The following OR6N1 variants were observed in gnomAD, a reference collection of about 807,000 sequenced individuals.
OR6N1 encodes olfactory receptor family 6 subfamily N member 1.
For synonymous variants in OR6N1, 170 were observed against 150.7 expected (o/e 1.13, Z -0.94); for missense variants, 394 against 371.7 (o/e 1.06, Z -0.49).
chr1:158,766,072 G>C lies in OR6N1; in HGVS notation c.611C>G (p.Ser204Cys). ...INVLVDFVIN[S>C]CKILATFLLI... is the part of the protein sequence containing the mutation. ...CAGGAAGGTGGCTAGGATCTTGCAG[G>C]AATTTATAACAAAATCTACTAGGAC... The change falls in exon 2 of 2, where the codon TCC (serine) becomes TGC (cysteine). Residue 204 changes from serine (S) to cysteine (C), a missense_variant. Ser to Cys is a moderately radical substitution (Grantham distance 112). Transcript: ENST00000641846. 1.2e-6 allele frequency: 2 copies of C among 1,614,172 alleles called. No individual in the cohort carries two copies. The highest frequency in any genetic ancestry group is 1.7e-6 in the Non-Finnish European group (2 of 1,180,026).
the OR6N1 span, among the ~76,000 whole-genome samples, chr1:158,827,774 G>A: frequency 5.3e-5 from 8 of 152,100 alleles, no homozygotes; most frequent in South Asian, 2.1e-4. Flanking sequence ...AGAGGGTATC[G>A]CTACAAAAGT....
the OR6N1 span, among the ~76,000 whole-genome samples, chr1:158,814,331 T>G: frequency 3.3e-5 from 5 of 152,296 alleles, no homozygotes; most frequent in South Asian, 4.2e-4. Flanking sequence ...TATACATATA[T>G]ACACATATAT....
chr1:158,797,162 C>T, the OR6N1 span, among the ~76,000 whole-genome samples: 1 of 152,216 alleles, frequency 6.6e-6, no homozygotes, highest in African/African-American at 2.4e-5. Context: ...GCTAGCCCCA[C>T]CTGCCCCCTT....
chr1:158,833,487 C>T, the OR6N1 span, among the ~76,000 whole-genome samples: 2 of 152,162 alleles, frequency 1.3e-5, no homozygotes, highest in Admixed American at 1.3e-4. Context: ...TTCACCATTC[C>T]CCTTTCCTCC....
chr1:158,834,359 T>C, the OR6N1 span, among the ~76,000 whole-genome samples: 2 of 151,072 alleles, frequency 1.3e-5, no homozygotes, highest in African/African-American at 2.4e-5. Flanking sequence ...CAGCCTCCCA[T>C]GTAGCTGGGA....
At chr1:158,823,206 G>T in the OR6N1 span, among the ~76,000 whole-genome samples, 1 of 152,128 alleles carries the variant, frequency 6.6e-6, no homozygotes, top group Non-Finnish European at 1.5e-5. Context: ...TTAGTATCAG[G>T]ATGATTCTGG....
Position 158,765,649 on chromosome 1 carries a change from A to T in OR6N1, c.*95T>A. 9.8e-7 allele frequency: 1 copy of T among 1,018,186 alleles called. No individual in the cohort carries two copies. Among genetic ancestry groups the T allele is most frequent in the Non-Finnish European group, 1.5e-6 (1 of 680,174 alleles). 63.1% of individuals were successfully genotyped at this position (1,018,186 alleles called of 1,614,324 possible). On this transcript the variant is annotated 3_prime_UTR_variant, in exon 2 of 2. Coordinates refer to ENST00000641846, the MANE Select transcript of OR6N1 (RefSeq NM_001005185.2). Reference sequence around the variant, plus strand: ...TGCAGCTCCACCACCCCACATAGAAAAGCACTGAATTTTTAGTTTCTCGTC... The same window carrying T: ...TGCAGCTCCACCACCCCACATAGAATAGCACTGAATTTTTAGTTTCTCGTC...
At chr1:158,814,661 G>A in the OR6N1 span, among the ~76,000 whole-genome samples, 1 of 151,988 alleles carries the variant, frequency 6.6e-6, no homozygotes, top group African/African-American at 2.4e-5. Context: ...CCTTTCTAAC[G>A]GCACTAATCT....
chr1:158,825,010 T>C, the OR6N1 span, among the ~76,000 whole-genome samples: 2 of 152,180 alleles, frequency 1.3e-5, no homozygotes, highest in Non-Finnish European at 2.9e-5. Context: ...CAAAAGAAAC[T>C]GTCAACAGAG....
the OR6N1 span, among the ~76,000 whole-genome samples, chr1:158,828,134 G>T: frequency 1.3e-5 from 2 of 152,234 alleles, no homozygotes; most frequent in South Asian, 4.2e-4. Flanking sequence ...GGAGCTACAA[G>T]ATGAGATTTG....
the OR6N1 span, among the ~76,000 whole-genome samples, chr1:158,821,923 A>G: frequency 6.6e-6 from 1 of 152,176 alleles, no homozygotes; most frequent in South Asian, 2.1e-4. Flanking sequence ...GTTACTCCAC[A>G]TCATCACCAG....
chr1:158,767,259 A>G (rs1657299244), intron 1 of OR6N1, among the ~76,000 whole-genome samples: 2 of 152,096 alleles, frequency 1.3e-5, no homozygotes, highest in Admixed American at 1.3e-4. Context: ...TTTCAGGGGC[A>G]TGTAGGTCAG....
the OR6N1 span, among the ~76,000 whole-genome samples, chr1:158,815,929 G>A: frequency 6.6e-6 from 1 of 152,052 alleles, no homozygotes. Flanking sequence ...GCCGAGGTGG[G>A]TAGATCACGA....
chr1:158,819,948 G>A, the OR6N1 span, among the ~76,000 whole-genome samples: 1 of 152,288 alleles, frequency 6.6e-6, no homozygotes, highest in South Asian at 2.1e-4. Flanking sequence ...TATAGAGTGT[G>A]GAATGGGAAA....
At chr1:158,788,762 A>G in the OR6N1 span, among the ~76,000 whole-genome samples, 2 of 152,098 alleles carry the variant, frequency 1.3e-5, no homozygotes, top group Non-Finnish European at 2.9e-5. Context: ...GGTCTTATTT[A>G]TTGTCTAATT....
At chr1:158,834,231 ATT>A in the OR6N1 span, among the ~76,000 whole-genome samples, 6 of 130,240 alleles carry the variant, frequency 4.6e-5, no homozygotes, top group Non-Finnish European at 8.0e-5. Flanking sequence ...TCCTTTATCA[ATT>A]TTTTTTTTTT....
chr1:158,777,144 GGAGGCAAGGATGACCTCAGAAAT>G (rs769940290), upstream of OR6N1: 9 of 1,613,990 alleles, frequency 5.6e-6, no homozygotes, highest in Non-Finnish European at 7.6e-6. Flanking sequence ...ATGGGAGCTG[GGAGGCAAGGATGACCTCAGAAAT>G]GGGACACAGG....
At position 158,766,746 on chromosome 1, in the gene OR6N1, G is replaced by T. The variant is rs142633172; in HGVS notation, c.-18-46C>A. 2.3e-4 allele frequency: 286 copies of T among 1,270,602 alleles called. 3 individuals are homozygous for T. The Middle Eastern group carries it at 3.8e-3, about 17-fold the overall frequency. 78.7% of individuals were successfully genotyped at this position (1,270,602 alleles called of 1,614,324 possible). A position where few individuals can be genotyped will look rare whatever the true frequency, so the allele number is the denominator to read the frequency against. Reference sequence around the variant, plus strand: ...GATAGGAAAGAAAGTTGAACTATAGGGTTCTAACAAGAAGGCAACCCTCAA... The same window carrying T: ...GATAGGAAAGAAAGTTGAACTATAGTGTTCTAACAAGAAGGCAACCCTCAA... On this transcript the variant is annotated intron_variant, in intron 1 of 1. Transcript: ENST00000641846.
At chr1:158,815,967 A>G in the OR6N1 span, among the ~76,000 whole-genome samples, 2 of 152,190 alleles carry the variant, frequency 1.3e-5, no homozygotes, top group South Asian at 4.1e-4. Flanking sequence ...CATCCTGGCT[A>G]ACATGGTGAA....
Sources: gnomAD v4.1 joint callset for allele counts (sites outside exome capture counted in the v4.1 genomes callset) on GRCh38, gnomAD v4.1.1 for gene constraint, MANE v1.5 for transcripts, NCBI Gene and HGNC (gene_info 2026-07-23, HGNC 2026-07-21) for gene names.